LAMA2: variants seen among roughly 807,000 people sequenced by gnomAD.
LAMA2 encodes the protein laminin subunit alpha 2, also known as laminin subunit alpha-2.
LAMA2 carries 269 observed loss-of-function variants against 364.8 expected under a neutral mutation model. That is an observed-to-expected ratio of 0.74 (90% confidence interval 0.67 to 0.82). The LOEUF (loss-of-function observed/expected upper bound fraction) is 0.82, where lower values mean the gene tolerates loss of function less well. Among genes scored for constraint, LAMA2 ranks in the 40% least tolerant of loss-of-function variants. The pLI is 0.00. For synonymous variants in LAMA2, 1,379 were observed against 1,370.6 expected (o/e 1.01, Z -0.14); for missense variants, 3,807 against 3,873.2 (o/e 0.98, Z 0.45).
intron 32 of LAMA2, among the ~76,000 whole-genome samples, chr6:129,361,426 AAAC>A (rs1190710068): frequency 3.3e-5 from 5 of 152,246 alleles, no homozygotes; most frequent in African/African-American, 4.8e-5. Context: ...TAGTAGCTTA[AAAC>A]AACAAGTGCA....
intron 12 of LAMA2, among the ~76,000 whole-genome samples, chr6:129,193,447 C>T (rs987524054): frequency 2.0e-5 from 3 of 152,222 alleles, no homozygotes; most frequent in African/African-American, 7.2e-5. Context: ...TATGTAAAAA[C>T]ATACACAGAT....
chr6:129,055,889 TA>T (rs1788448358), intron 2 of LAMA2, among the ~76,000 whole-genome samples: 1 of 152,244 alleles, frequency 6.6e-6, no homozygotes, highest in Non-Finnish European at 1.5e-5. Context: ...TCCTTTTAAA[TA>T]AGGGAACTTT....
At chr6:129,291,378 G>A (rs984094845) in intron 19 of LAMA2, among the ~76,000 whole-genome samples, 2 of 152,068 alleles carry the variant, frequency 1.3e-5, no homozygotes, top group African/African-American at 4.8e-5. Flanking sequence ...ATATTTTAAT[G>A]GCATATGATG....
chr6:129,053,897 A>G (rs1788276212), intron 2 of LAMA2, among the ~76,000 whole-genome samples: 1 of 152,162 alleles, frequency 6.6e-6, no homozygotes, highest in African/African-American at 2.4e-5. Context: ...GATAAGAGAC[A>G]TTTGAGTTGG....
At chr6:129,033,200 ACGATAATAGTTAC>A (rs1310579915) in intron 1 of LAMA2, among the ~76,000 whole-genome samples, 1 of 151,510 alleles carries the variant, frequency 6.6e-6, no homozygotes, top group African/African-American at 2.4e-5. Flanking sequence ...GCCCTGAGGA[ACGATAATAGTTAC>A]TGATAAAAAA....
chr6:129,269,170 G>T (rs546004158), intron 16 of LAMA2, among the ~76,000 whole-genome samples: 5 of 151,704 alleles, frequency 3.3e-5, no homozygotes, highest in Non-Finnish European at 7.4e-5. Context: ...AATAGTGTAG[G>T]TCTATATTTA....
chr6:129,248,192 C>T (rs989934997), intron 12 of LAMA2, among the ~76,000 whole-genome samples: 9 of 152,044 alleles, frequency 5.9e-5, no homozygotes, highest in Admixed American at 4.6e-4. Context: ...ATCTAATGCC[C>T]GATGATCTGA....
chr6:129,323,474 G>A (rs951252739), intron 28 of LAMA2, among the ~76,000 whole-genome samples: 1 of 151,988 alleles, frequency 6.6e-6, no homozygotes, highest in Non-Finnish European at 1.5e-5. Context: ...GTGCAGGCCT[G>A]GTCATTAAAA....
chr6:129,148,468 C>T (rs1778606646), intron 6 of LAMA2, among the ~76,000 whole-genome samples: 1 of 152,020 alleles, frequency 6.6e-6, no homozygotes, highest in Non-Finnish European at 1.5e-5. Flanking sequence ...GTCCACAAGA[C>T]AGGCTTGGAA....
chr6:129,205,570 C>T (rs1047711711), intron 12 of LAMA2, among the ~76,000 whole-genome samples: 2 of 149,866 alleles, frequency 1.3e-5, no homozygotes, highest in Non-Finnish European at 3.0e-5. Flanking sequence ...TGATTCATTC[C>T]AGAAATGTTT....
chr6:128,913,857 G>A (rs1433663144), intron 1 of LAMA2, among the ~76,000 whole-genome samples: 1 of 152,058 alleles, frequency 6.6e-6, no homozygotes, highest in African/African-American at 2.4e-5. Context: ...GTCTGTTATG[G>A]AAACGCTCTA....
chr6:129,313,029 G>C lies in LAMA2; in HGVS notation c.3343G>C (p.Ala1115Pro), dbSNP rs780442272. The C allele has an allele frequency of 1.9e-6, 3 of 1,614,140 alleles. No individual in the cohort carries two copies. The highest frequency in any genetic ancestry group is 3.3e-5 in the Admixed American group (2 of 60,030). Reference protein sequence around the residue: ...LCDCFLPGTDATTCDSETKKC... With the variant: ...LCDCFLPGTDPTTCDSETKKC... ...TGACTGCTTCCTCCCTGGGACAGATGCCACAACCTGTGATTCAGAGACTAA... is the reference window on the plus strand; with the variant it reads ...TGACTGCTTCCTCCCTGGGACAGATCCCACAACCTGTGATTCAGAGACTAA... Residue 1115 changes from alanine (A) to proline (P), a missense_variant, in exon 23 of 65, where the codon GCC (alanine) becomes CCC (proline). Ala to Pro is a conservative substitution (Grantham distance 27, BLOSUM62 -1). Transcript: ENST00000421865.
intron 1 of LAMA2, among the ~76,000 whole-genome samples, chr6:129,004,393 T>A: frequency 3.1e-5 from 1 of 32,450 alleles, no homozygotes; most frequent in Non-Finnish European, 5.0e-5. Flanking sequence ...CCCTAAAACT[T>A]AGAGTATAAT....
chr6:129,303,587 G>A (rs1305274602), intron 22 of LAMA2, among the ~76,000 whole-genome samples: 2 of 152,082 alleles, frequency 1.3e-5, no homozygotes, highest in African/African-American at 2.4e-5. Context: ...ATGCCCCCTC[G>A]TGTTTTTAGT....
intron 32 of LAMA2, among the ~76,000 whole-genome samples, chr6:129,355,514 A>G (rs1327704434): frequency 6.6e-6 from 1 of 152,162 alleles, no homozygotes; most frequent in Non-Finnish European, 1.5e-5. Context: ...AATTAGTGCA[A>G]GAGACCAAAA....
chr6:128,981,552 G>A (rs1782875261), intron 1 of LAMA2, among the ~76,000 whole-genome samples: 2 of 146,938 alleles, frequency 1.4e-5, no homozygotes, highest in African/African-American at 5.0e-5. Flanking sequence ...AGACCAGCCT[G>A]GGCAATATGC....
chr6:129,125,387 A>G (rs1273176907), intron 4 of LAMA2, among the ~76,000 whole-genome samples: 1 of 152,178 alleles, frequency 6.6e-6, no homozygotes, highest in Non-Finnish European at 1.5e-5. Context: ...ACTGCATAAT[A>G]TCACCCAGGA....
At position 129,434,617 on chromosome 6, in the gene LAMA2, G is replaced by A. The variant is rs376217217; in HGVS notation, c.5969-4029G>A. Reference sequence around the variant, plus strand: ...TCAGTTGGATTTTCTTTTAACTATCGATAATTCTATGTCTTCACCCTTGTT... The same window carrying A: ...TCAGTTGGATTTTCTTTTAACTATCAATAATTCTATGTCTTCACCCTTGTT... On this transcript the variant is annotated intron_variant, in intron 41 of 64. Transcript: ENST00000421865. Among the ~76,000 whole-genome samples, 35 of 152,178 alleles carry A rather than the reference G, an allele frequency of 2.3e-4. No individual in the cohort carries two copies. The East Asian group carries it at 3.7e-3, about 16-fold the overall frequency.
chr6:129,023,499 C>A (rs1446838003), intron 1 of LAMA2, among the ~76,000 whole-genome samples: 1 of 152,130 alleles, frequency 6.6e-6, no homozygotes, highest in African/African-American at 2.4e-5. Context: ...AACATCTAGG[C>A]TTTCAACTTG....
Sources: allele counts gnomAD v4.1 joint callset (sites outside exome capture counted in the v4.1 genomes callset), GRCh38; gene constraint gnomAD v4.1.1; transcripts MANE v1.5; gene names NCBI Gene and HGNC (gene_info 2026-07-23, HGNC 2026-07-21).